The following ACBD6 variants were observed in gnomAD, a reference collection of about 807,000 sequenced individuals.
ACBD6 encodes the protein acyl-CoA binding domain containing 6.
In ACBD6, 28 loss-of-function variants were observed where a neutral mutation model predicts 37.2. The ratio of observed to expected loss-of-function variants is 0.75; its 90% CI spans 0.56 to 1.03. The LOEUF (loss-of-function observed/expected upper bound fraction) is 1.03. ACBD6 is among the 50% of genes least tolerant of loss of function. The probability of loss-of-function intolerance (pLI) is 0.00; values close to 1 mark genes in which losing one functional copy is unlikely to be tolerated. For synonymous variants in ACBD6, 113 were observed against 126.8 expected, an observed-to-expected ratio of 0.89 and a Z score of 0.73; for missense variants, 340 against 337.4, an observed-to-expected ratio of 1.01 and a Z score of -0.06.
At chr1:180,334,813 T>C (rs1389586933) in intron 6 of ACBD6, among the ~76,000 whole-genome samples, 1 of 151,954 alleles carries the variant, frequency 6.6e-6, no homozygotes, top group East Asian at 1.9e-4. Flanking sequence ...GAGAAGTCCT[T>C]AAAGGACCTG....
chr1:180,414,993 C>T (rs888808536), intron 4 of ACBD6, among the ~76,000 whole-genome samples: 5 of 152,044 alleles, frequency 3.3e-5, no homozygotes, highest in African/African-American at 1.2e-4. Context: ...ATCAGAATGG[C>T]GTGAACCCGG....
intron 3 of ACBD6, among the ~76,000 whole-genome samples, chr1:180,433,591 T>A (rs1356018344): frequency 2.2e-5 from 3 of 135,816 alleles, no homozygotes; most frequent in East Asian, 2.1e-4. Context: ...TGTGTGTGTG[T>A]GTGTGTGTGT....
chr1:180,307,281 C>T (rs1183676678), intron 7 of ACBD6, among the ~76,000 whole-genome samples: 2 of 152,120 alleles, frequency 1.3e-5, no homozygotes, highest in Non-Finnish European at 2.9e-5. Context: ...CATATTCTCA[C>T]TTATTTGTGG....
intron 10 of ACBD6, chr1:180,274,168 C>T (rs200950546): frequency 3.6e-5 from 58 of 1,613,976 alleles, no homozygotes; most frequent in Non-Finnish European, 4.6e-5. Context: ...AATAAATCTC[C>T]GTTCTTTTGT....
At chr1:180,375,747 G>A (rs191179451) in intron 6 of ACBD6, among the ~76,000 whole-genome samples, 3 of 152,082 alleles carry the variant, frequency 2.0e-5, no homozygotes, top group Non-Finnish European at 2.9e-5. Flanking sequence ...GAAACCATAC[G>A]AGTACTAGAA....
At chr1:180,403,633 T>A (rs1214711189) in intron 5 of ACBD6, among the ~76,000 whole-genome samples, 1 of 152,206 alleles carries the variant, frequency 6.6e-6, no homozygotes, top group African/African-American at 2.4e-5. Context: ...ACACCTATGT[T>A]CAGAGCATAA....
chr1:180,324,751 C>T (rs1651193769), intron 6 of ACBD6, among the ~76,000 whole-genome samples: 1 of 152,130 alleles, frequency 6.6e-6, no homozygotes, highest in South Asian at 2.1e-4. Flanking sequence ...CTGAAGAATT[C>T]CCTTTAGCAT....
rs374307128 is a variant in ACBD6, at chr1:180,502,191, C to T, written c.76G>A (p.Gly26Arg). The T allele has an allele frequency of 2.5e-6, 4 of 1,613,920 alleles. No homozygotes were observed. The highest frequency in any genetic ancestry group is 3.4e-6 in the Non-Finnish European group (4 of 1,180,048). ...GGELSSGDDSGEVEFPHSPEI... is the reference protein window; with the variant it reads ...GGELSSGDDSREVEFPHSPEI... ...GGGCTATGGGGGAACTCCACCTCCCCGGAGTCGTCCCCTGAGCTCAGCTCT... is the reference window on the plus strand; with the variant it reads ...GGGCTATGGGGGAACTCCACCTCCCTGGAGTCGTCCCCTGAGCTCAGCTCT... Residue 26 changes from glycine (G) to arginine (R), a missense_variant, in exon 1 of 8, where the codon GGG becomes AGG. Gly to Arg is a moderately radical substitution (Grantham distance 125). Coordinates refer to ENST00000367595, the MANE Select transcript of ACBD6 (RefSeq NM_032360.4).
At chr1:180,425,726 G>A (rs952300150) in intron 4 of ACBD6, among the ~76,000 whole-genome samples, 3 of 152,266 alleles carry the variant, frequency 2.0e-5, no homozygotes, top group Non-Finnish European at 4.4e-5. Context: ...GATTTTAGAA[G>A]TAATTTACAA....
rs1014338557 is a variant in ACBD6 at position 180,376,093 on chromosome 1, C to T, written c.663+21423G>A. On this transcript the variant is annotated intron_variant, in intron 6 of 7. Coordinates refer to ENST00000367595, the MANE Select transcript of ACBD6 (RefSeq NM_032360.4). Reference sequence around the variant, plus strand: ...TGAAATACATAAAAATAAGAACTCACTCATAATTAGAGAAATGAAAACTAA... The same window carrying T: ...TGAAATACATAAAAATAAGAACTCATTCATAATTAGAGAAATGAAAACTAA... Among the ~76,000 whole-genome samples, 7 of 152,130 alleles carry T rather than the reference C, an allele frequency of 4.6e-5. No individual in the cohort carries two copies. In the South Asian group the frequency reaches 8.3e-4, roughly 18 times the overall value.
intron 6 of ACBD6, 50 bp from the exon 7 acceptor site, chr1:180,314,772 G>A: frequency 3.7e-6 from 5 of 1,348,584 alleles, no homozygotes; most frequent in Non-Finnish European, 4.2e-6. Context: ...AATTGCAAAA[G>A]TATGAAAGTA....
intron 3 of ACBD6, among the ~76,000 whole-genome samples, chr1:180,462,134 G>A (rs535744161): frequency 1.3e-5 from 2 of 152,272 alleles, no homozygotes; most frequent in African/African-American, 4.8e-5. Flanking sequence ...TATTTAGGGA[G>A]GCTGAGGCAG....
intron 3 of ACBD6, among the ~76,000 whole-genome samples, chr1:180,483,362 C>T (rs1421195317): frequency 6.6e-6 from 1 of 152,132 alleles, no homozygotes. Flanking sequence ...TCCCTGCTTT[C>T]TCTCCACAGT....
At chr1:180,461,633 T>C (rs1650150734) in intron 3 of ACBD6, among the ~76,000 whole-genome samples, 1 of 152,060 alleles carries the variant, frequency 6.6e-6, no homozygotes, top group African/African-American at 2.4e-5. Flanking sequence ...GAAAACTAAT[T>C]CCAACCTAGA....
chr1:180,364,819 T>C (rs912064825), intron 6 of ACBD6, among the ~76,000 whole-genome samples: 1 of 151,118 alleles, frequency 6.6e-6, no homozygotes, highest in Admixed American at 6.6e-5. Context: ...CTGCAACCTC[T>C]GCCTCCTGGG....
intron 6 of ACBD6, among the ~76,000 whole-genome samples, chr1:180,341,374 C>T (rs1359454295): frequency 1.3e-5 from 2 of 151,796 alleles, no homozygotes; most frequent in African/African-American, 4.8e-5. Flanking sequence ...GAGCATGGTC[C>T]CATTTTTGTT....
chr1:180,415,026 G>A (rs987382785), intron 4 of ACBD6, among the ~76,000 whole-genome samples: 1 of 151,838 alleles, frequency 6.6e-6, no homozygotes, highest in Non-Finnish European at 1.5e-5. Context: ...GCAGTGAGCC[G>A]AGATTGCGCC....
intron 6 of ACBD6, among the ~76,000 whole-genome samples, chr1:180,372,723 T>C (rs916160354): frequency 1.3e-5 from 2 of 152,168 alleles, no homozygotes; most frequent in Non-Finnish European, 2.9e-5. Context: ...TCATACATAG[T>C]GCTTCCATAA....
intron 7 of ACBD6, among the ~76,000 whole-genome samples, chr1:180,297,229 G>A (rs749708624): frequency 6.6e-6 from 1 of 152,140 alleles, no homozygotes; most frequent in Non-Finnish European, 1.5e-5. Context: ...GCTGTGAAGT[G>A]TGCACAGAGC....
Sources: gnomAD v4.1 joint callset for allele counts (sites outside exome capture counted in the v4.1 genomes callset) on GRCh38, gnomAD v4.1.1 for gene constraint, MANE v1.5 for transcripts, NCBI Gene and HGNC (gene_info 2026-07-23, HGNC 2026-07-21) for gene names.